The following FRAS1 variants were observed in gnomAD, a reference collection of about 807,000 sequenced individuals.
The protein encoded by FRAS1 is Fraser extracellular matrix complex subunit 1, also known as extracellular matrix organizing protein FRAS1.
A neutral mutation model predicts 435.2 loss-of-function variants in FRAS1; 290 were observed. The observed-to-expected ratio is 0.67, with a 90% CI of 0.61 to 0.73. The LOEUF (loss-of-function observed/expected upper bound fraction) is 0.73, where lower values mean the gene tolerates loss of function less well. FRAS1 is among the 30% of genes least tolerant of loss of function. The pLI, the probability that FRAS1 is intolerant of heterozygous loss-of-function variation, is 0.00. For missense variants in FRAS1, 4,860 were observed against 5,001.5 expected, an observed-to-expected ratio of 0.97 and a Z score of 0.85; for synonymous variants, 1,800 against 1,851.0, an observed-to-expected ratio of 0.97 and a Z score of 0.71.
At chr4:78,204,201 T>C (rs1314801202) in intron 2 of FRAS1, among the ~76,000 whole-genome samples, 2 of 152,194 alleles carry the variant, frequency 1.3e-5, no homozygotes, top group African/African-American at 4.8e-5. Context: ...GATCAGAGGC[T>C]CATGGAATCC....
At chr4:78,315,459 A>G in intron 15 of FRAS1, 135 bp from the exon 16 acceptor site, 1 of 891,794 alleles carries the variant, frequency 1.1e-6, no homozygotes, top group Non-Finnish European at 1.7e-6. Context: ...GGAATCAAGG[A>G]AACAGAATTT....
chr4:78,082,141 T>A (rs1349874814), intron 2 of FRAS1, among the ~76,000 whole-genome samples: 1 of 152,166 alleles, frequency 6.6e-6, no homozygotes, highest in Non-Finnish European at 1.5e-5. Context: ...ATGACGTCCC[T>A]CTCTAATGTT....
chr4:78,438,709 A>G lies in FRAS1; in HGVS notation c.5357A>G (p.Lys1786Arg). 1 of 1,596,148 alleles carries G rather than the reference A, an allele frequency of 6.3e-7. No individual in the cohort carries two copies. Among genetic ancestry groups the G allele is most frequent in the Non-Finnish European group, 8.5e-7 (1 of 1,171,280 alleles). ...TTCACAATGGAAGACATCAATAACA[A>G]GAAAATCAGGTACATAATCACTTTG... Reference protein sequence around the residue: ...SNFTMEDINNKKIRYSAVFET... With the variant: ...SNFTMEDINNRKIRYSAVFET... The change falls in exon 39 of 74, where the codon AAG (lysine) becomes AGG (arginine). Residue 1786 changes from lysine to arginine, a missense_variant. Lys to Arg is a conservative substitution (Grantham distance 26). Transcript: ENST00000512123.
At chr4:78,126,887 G>A (rs1719389975) in intron 2 of FRAS1, among the ~76,000 whole-genome samples, 1 of 152,136 alleles carries the variant, frequency 6.6e-6, no homozygotes, top group South Asian at 2.1e-4. Context: ...CCAATTACAA[G>A]CAGATTAGTG....
At chr4:78,535,855 G>C (rs1410858053) in intron 71 of FRAS1, among the ~76,000 whole-genome samples, 1 of 152,108 alleles carries the variant, frequency 6.6e-6, no homozygotes, top group Non-Finnish European at 1.5e-5. Flanking sequence ...AGCACGGTTT[G>C]TCTATGTCCC....
At position 78,464,571 on chromosome 4, in the gene FRAS1, T is replaced by A; in HGVS notation, c.7017T>A (p.Asp2339Glu). 1 of 1,613,776 alleles carries A rather than the reference T, an allele frequency of 6.2e-7. No homozygotes were observed. Among genetic ancestry groups the A allele is most frequent in the Non-Finnish European group, 8.5e-7 (1 of 1,179,808 alleles). Residue 2339 changes from aspartate to glutamate, a missense_variant, in exon 49 of 74, where the codon GAT becomes GAA. Physicochemically the swap from Asp to Glu is conservative, Grantham distance 45 (BLOSUM62 2). Transcript: ENST00000512123. ...CAGAGTTTGAGCTTAAGGCGGTGGA[T>A]GCTGACACAGAGGTAAGAGCACTTC... The part of the protein sequence containing the change: ...TITEFELKAV[D>E]ADTEAESVTF...
intron 9 of FRAS1, among the ~76,000 whole-genome samples, chr4:78,272,503 G>T (rs1578219551): frequency 6.6e-6 from 1 of 152,260 alleles, no homozygotes; most frequent in East Asian, 1.9e-4. Flanking sequence ...GTGTAAGGAA[G>T]GGATCCAGTT....
At chr4:78,129,673 A>G (rs1719585400) in intron 2 of FRAS1, among the ~76,000 whole-genome samples, 1 of 152,182 alleles carries the variant, frequency 6.6e-6, no homozygotes. Flanking sequence ...GAGAAGGAAA[A>G]TTCAGAACCC....
At chr4:78,064,975 T>A (rs1739933714) in intron 1 of FRAS1, among the ~76,000 whole-genome samples, 1 of 150,848 alleles carries the variant, frequency 6.6e-6, no homozygotes, top group Admixed American at 6.6e-5. Flanking sequence ...CTTTCTAAGT[T>A]AAATCAAGAC....
In FRAS1 at chr4:78,255,408, C is replaced by T. The variant is rs76631982; in HGVS notation, c.603+33C>T. On this transcript the variant is annotated intron_variant, in intron 6 of 73. Transcript: ENST00000512123. ...AGACAACCTCAGCATGCAGCCTTCA[C>T]GGGCTATTGAAGAACTTGGAGTCTC... 1.4e-3 allele frequency: 2,100 copies of T among 1,554,430 alleles called. 41 individuals carry two copies. In the African/African-American group the frequency reaches 0.025, roughly 18 times the overall value.
At chr4:78,412,466 A>G (rs1447035936) in intron 31 of FRAS1, among the ~76,000 whole-genome samples, 2 of 152,230 alleles carry the variant, frequency 1.3e-5, no homozygotes, top group African/African-American at 4.8e-5. Flanking sequence ...GATGAGGCTG[A>G]GATTTATTAC....
chr4:78,086,984 T>C (rs1230927738), intron 2 of FRAS1, among the ~76,000 whole-genome samples: 1 of 152,090 alleles, frequency 6.6e-6, no homozygotes, highest in African/African-American at 2.4e-5. Context: ...AAGAGAATTT[T>C]AGACCAATAT....
intron 60 of FRAS1, among the ~76,000 whole-genome samples, chr4:78,498,517 A>AAG (rs1720577560): frequency 6.6e-6 from 1 of 151,254 alleles, no homozygotes; most frequent in Non-Finnish European, 1.5e-5. Context: ...AAAGAAAAAA[A>AAG]AAAAAAAAGA....
At chr4:78,298,048 ATATATT>A (rs1728227037) in intron 14 of FRAS1, among the ~76,000 whole-genome samples, 1 of 138,670 alleles carries the variant, frequency 7.2e-6, no homozygotes, top group South Asian at 2.4e-4. Context: ...ATATATATAT[ATATATT>A]ACTAATCCTC....
chr4:78,341,995 G>A (rs921911801), intron 20 of FRAS1, among the ~76,000 whole-genome samples: 1 of 152,192 alleles, frequency 6.6e-6, no homozygotes, highest in African/African-American at 2.4e-5. Context: ...TAACCTCATA[G>A]AATGTTTAGG....
intron 41 of FRAS1, among the ~76,000 whole-genome samples, chr4:78,442,077 T>G (rs1448449537): frequency 6.6e-6 from 1 of 152,218 alleles, no homozygotes; most frequent in Non-Finnish European, 1.5e-5. Flanking sequence ...GGAGAGTCCA[T>G]TGACTGCAGG....
chr4:78,151,461 A>G (rs1720658502), intron 2 of FRAS1, among the ~76,000 whole-genome samples: 1 of 152,178 alleles, frequency 6.6e-6, no homozygotes, highest in African/African-American at 2.4e-5. Context: ...TTGTTAAACA[A>G]TCTGGTGAAA....
chr4:78,262,958 T>C (rs1726183974), intron 6 of FRAS1, among the ~76,000 whole-genome samples: 1 of 152,148 alleles, frequency 6.6e-6, no homozygotes, highest in Non-Finnish European at 1.5e-5. Context: ...ATAGACAATA[T>C]GTAAATGAAT....
At chr4:78,264,873 G>A (rs1726273625) in intron 6 of FRAS1, 152 bp from the exon 7 acceptor site, 1 of 696,764 alleles carries the variant, frequency 1.4e-6, no homozygotes, top group Non-Finnish European at 2.6e-6. Flanking sequence ...TCTTATCAGA[G>A]TCCCAGGTGA....
Sources: gnomAD v4.1 joint callset for allele counts (sites outside exome capture counted in the v4.1 genomes callset) on GRCh38, gnomAD v4.1.1 for gene constraint, MANE v1.5 for transcripts, NCBI Gene and HGNC (gene_info 2026-07-23, HGNC 2026-07-21) for gene names.